GLRA3: variants seen among roughly 807,000 people sequenced by gnomAD.
GLRA3 encodes the protein glycine receptor subunit alpha-3.
GLRA3 carries 44 observed loss-of-function variants against 60.4 expected under a neutral mutation model. The ratio of observed to expected loss-of-function variants is 0.73; its 90% CI spans 0.57 to 0.94. The LOEUF is 0.94. GLRA3 is among the 40% of genes least tolerant of loss of function. The pLI is 0.00. For missense variants in GLRA3, 508 were observed against 564.6 expected (o/e 0.90, Z 1.02); for synonymous variants, 223 against 192.9 (o/e 1.16, Z -1.29).
intron 3 of GLRA3, among the ~76,000 whole-genome samples, chr4:174,730,996 C>T (rs768067063): frequency 6.6e-6 from 1 of 152,090 alleles, no homozygotes. Flanking sequence ...TTTTGACATT[C>T]TCACTCCTAA....
intron 1 of GLRA3, among the ~76,000 whole-genome samples, chr4:174,792,335 G>GT (rs199922740): frequency 5.3e-4 from 80 of 150,340 alleles, no homozygotes; most frequent in African/African-American, 1.6e-3. Context: ...TCCATTTTCT[G>GT]TTTTTTTTTA....
chr4:174,718,518 C>A (rs1303535488), intron 4 of GLRA3, among the ~76,000 whole-genome samples: 3 of 152,122 alleles, frequency 2.0e-5, no homozygotes, highest in Non-Finnish European at 2.9e-5. Flanking sequence ...CATTAAAATT[C>A]AATTATTGAC....
intron 9 of GLRA3, among the ~76,000 whole-genome samples, chr4:174,646,124 T>C (rs1732802255): frequency 6.6e-6 from 1 of 152,206 alleles, no homozygotes; most frequent in Admixed American, 6.5e-5. Context: ...GGTGTTGACA[T>C]GTTAATTGAA....
At chr4:174,816,149 A>G (rs1642566894) in intron 1 of GLRA3, among the ~76,000 whole-genome samples, 1 of 152,142 alleles carries the variant, frequency 6.6e-6, no homozygotes, top group South Asian at 2.1e-4. Context: ...AGGTCCACAC[A>G]TTGAATAGCT....
chr4:174,730,973 T>G (rs1319535046), intron 3 of GLRA3, among the ~76,000 whole-genome samples: 1 of 152,186 alleles, frequency 6.6e-6, no homozygotes, highest in Non-Finnish European at 1.5e-5. Context: ...TCAAAATCGC[T>G]AAAAGAATAA....
chr4:174,771,047 A>C (rs1350019298), intron 2 of GLRA3, among the ~76,000 whole-genome samples: 2 of 132,460 alleles, frequency 1.5e-5, no homozygotes, highest in African/African-American at 5.7e-5. Flanking sequence ...ACACATGGAC[A>C]CAGGAAAGAG....
intron 7 of GLRA3, among the ~76,000 whole-genome samples, chr4:174,660,315 T>C (rs1731531452): frequency 6.6e-6 from 1 of 152,218 alleles, no homozygotes; most frequent in African/African-American, 2.4e-5. Flanking sequence ...TGTTGCCATA[T>C]CTCTTTAGTT....
At chr4:174,771,873 TGTG>T (rs1262542155) in intron 2 of GLRA3, among the ~76,000 whole-genome samples, 1 of 152,130 alleles carries the variant, frequency 6.6e-6, no homozygotes, top group Non-Finnish European at 1.5e-5. Context: ...TATGGACAAT[TGTG>T]GTGAAAGAGG....
At chr4:174,692,255 CGCG>C (rs1734860048) in intron 5 of GLRA3, among the ~76,000 whole-genome samples, 1 of 147,938 alleles carries the variant, frequency 6.8e-6, no homozygotes, top group African/African-American at 2.5e-5. Context: ...CCGCCCCATC[CGCG>C]AGGGAGGTGG....
chr4:174,720,079 A>G (rs374855469), intron 4 of GLRA3, among the ~76,000 whole-genome samples: 7 of 152,340 alleles, frequency 4.6e-5, no homozygotes, highest in African/African-American at 1.4e-4. Flanking sequence ...CATCTTTAAC[A>G]TAAAATTTCT....
At chr4:174,683,475 C>T (rs546819667) in intron 5 of GLRA3, among the ~76,000 whole-genome samples, 54 of 152,028 alleles carry the variant, frequency 3.6e-4, no homozygotes, top group Non-Finnish European at 6.8e-4. Context: ...CTCAGCCTCC[C>T]GAGTAGCTGG....
chr4:174,698,999 C>CT (rs35453287), intron 5 of GLRA3, among the ~76,000 whole-genome samples: 1,648 of 143,812 alleles, frequency 0.011, 22 homozygotes, highest in African/African-American at 0.036. Flanking sequence ...CTTATAATTA[C>CT]TTTTTTTTTT....
rs551015554 is a variant in GLRA3, at chr4:174,665,761, G to A, written c.928-6564C>T. On this transcript the variant is annotated intron_variant, in intron 7 of 9. Transcript: ENST00000274093. The stretch of plus-strand genomic sequence containing the variant: ...AGCTAAGACAAAGGCCAGACCTTAT[G>A]CATTTTTGTATCTCTAGGATGCAGC... Among the ~76,000 whole-genome samples, 81 of 152,218 alleles carry A rather than the reference G, an allele frequency of 5.3e-4. 2 individuals are homozygous for A. The South Asian group carries it at 0.016, about 30-fold the overall frequency.
chr4:174,657,799 C>G (rs965486309), intron 8 of GLRA3, among the ~76,000 whole-genome samples: 3 of 152,056 alleles, frequency 2.0e-5, no homozygotes, highest in Non-Finnish European at 4.4e-5. Flanking sequence ...AAAAGATATG[C>G]GTCTGTTTTC....
intron 1 of GLRA3, among the ~76,000 whole-genome samples, chr4:174,808,610 A>G (rs1740142284): frequency 1.3e-5 from 2 of 152,104 alleles, no homozygotes; most frequent in Non-Finnish European, 2.9e-5. Context: ...CAGGTCCTTC[A>G]GGAGGTATTC....
chr4:174,721,910 T>C (rs1163422797), intron 4 of GLRA3, among the ~76,000 whole-genome samples: 1 of 151,928 alleles, frequency 6.6e-6, no homozygotes, highest in African/African-American at 2.4e-5. Flanking sequence ...TGTGTATGTG[T>C]ATATATGTGT....
Position 174,638,963 on chromosome 4 carries a change from A to G in GLRA3, c.*4823T>C, listed in dbSNP as rs138879578. 1 of 152,178 alleles carries G rather than the reference A, an allele frequency of 6.6e-6. No homozygotes were observed. Among genetic ancestry groups the G allele is most frequent in the Non-Finnish European group, 1.5e-5 (1 of 68,034 alleles). The allele number at this position is 152,178 out of a possible 1,614,324, so 9.4% of individuals were successfully genotyped here. A position where few individuals can be genotyped will look rare whatever the true frequency, so the allele number is the denominator to read the frequency against. On this transcript the variant is annotated 3_prime_UTR_variant, in exon 10 of 10. Transcript: ENST00000274093. ...TTCAAAATCACTTTTTAAAAATAAT[A>G]CTCCATCACCTTAAATGTCTCCTCT...
chr4:174,803,626 G>A (rs1427753107), intron 1 of GLRA3, among the ~76,000 whole-genome samples: 1 of 152,156 alleles, frequency 6.6e-6, no homozygotes, highest in Non-Finnish European at 1.5e-5. Context: ...ATACACATAT[G>A]TTTAGAAAAC....
Position 174,688,317 on chromosome 4 carries a change from T to TTATATATATA in GLRA3, c.575-5379_575-5378insTATATATATA, listed in dbSNP as rs1734627732. Among the ~76,000 whole-genome samples the TTATATATATA allele has an allele frequency of 5.6e-5, 4 of 71,344 alleles. 1 individual carries two copies. The highest frequency in any genetic ancestry group is 1.1e-4 in the Non-Finnish European group (4 of 37,748). 46.8% of individuals were successfully genotyped at this position (71,344 alleles called of 152,430 possible). ...CCATAGTACTTATCCTTACCTGACA[T>TTATATATATA]CATATATATATATATATATATATAT... On this transcript the variant is annotated intron_variant, in intron 5 of 9. Coordinates refer to ENST00000274093, the MANE Select transcript of GLRA3 (RefSeq NM_006529.4).
Sources: gnomAD v4.1 joint callset for allele counts (sites outside exome capture counted in the v4.1 genomes callset) on GRCh38, gnomAD v4.1.1 for gene constraint, MANE v1.5 for transcripts, NCBI Gene and HGNC (gene_info 2026-07-23, HGNC 2026-07-21) for gene names.